Variants in TMEM196 observed in about 807,000 individuals in gnomAD.
TMEM196 encodes transmembrane protein 196.
Under a neutral mutation model 20.0 loss-of-function variants are expected in TMEM196, and 17 were observed. The observed-to-expected ratio is 0.85, with a 90% CI of 0.58 to 1.27. The LOEUF is 1.27. Ranked by LOEUF, TMEM196 falls within the 50% of genes most tolerant of loss-of-function variation. TMEM196 has a pLI of 0.00. For missense variants in TMEM196, 267 were observed against 223.0 expected (o/e 1.20, Z -1.26); for synonymous variants, 113 against 88.9 (o/e 1.27, Z -1.52).
intron 1 of TMEM196, among the ~76,000 whole-genome samples, chr7:19,750,320 C>T (rs1037040631): frequency 1.3e-5 from 2 of 152,118 alleles, no homozygotes; most frequent in African/African-American, 4.8e-5. Flanking sequence ...TATATCAAAA[C>T]ATCACATTGT....
chr7:19,765,715 C>A (rs1785601406), intron 1 of TMEM196, among the ~76,000 whole-genome samples: 1 of 152,022 alleles, frequency 6.6e-6, no homozygotes, highest in Admixed American at 6.6e-5. Context: ...AAAAGAAAAA[C>A]AAAAGAAGAG....
At chr7:19,723,264 ACC>A (rs997140414) in intron 4 of TMEM196, among the ~76,000 whole-genome samples, 1 of 151,494 alleles carries the variant, frequency 6.6e-6, no homozygotes, top group Admixed American at 6.6e-5. Context: ...AGGTAGAATC[ACC>A]CCCCACCCCC....
chr7:19,759,205 C>A (rs1429022231), intron 1 of TMEM196, among the ~76,000 whole-genome samples: 1 of 152,128 alleles, frequency 6.6e-6, no homozygotes, highest in East Asian at 1.9e-4. Flanking sequence ...ATTGGCCTGG[C>A]CTATGTTCCC....
Position 19,721,531 on chromosome 7 carries a change from T to G in TMEM196, c.*597A>C, listed in dbSNP as rs183327631. ...TCTCTCTCTCTAAAAAGTCTCTTTT[T>G]TATGCTTGAGGTTTTTTGTCATTTA... On this transcript the variant is annotated 3_prime_UTR_variant, in exon 5 of 5. Coordinates refer to ENST00000405844, the MANE Select transcript of TMEM196 (RefSeq NM_001363562.2). 6.6e-6 allele frequency: 1 copy of G among 152,182 alleles called. No individual in the cohort carries two copies. The highest frequency in any genetic ancestry group is 1.5e-5 in the Non-Finnish European group (1 of 67,922). The allele number at this position is 152,182 out of a possible 1,614,324, so 9.4% of individuals were successfully genotyped here.
intron 1 of TMEM196, among the ~76,000 whole-genome samples, chr7:19,756,809 G>A (rs937295105): frequency 2.0e-5 from 3 of 151,996 alleles, no homozygotes; most frequent in Non-Finnish European, 2.9e-5. Flanking sequence ...TAGTATCCCA[G>A]GTATATATGA....
chr7:19,763,465 A>C (rs191847248), intron 1 of TMEM196, among the ~76,000 whole-genome samples: 2 of 152,328 alleles, frequency 1.3e-5, no homozygotes, highest in Non-Finnish European at 1.5e-5. Flanking sequence ...AACAAAAATT[A>C]TACCTTGGTA....
chr7:19,772,720 A>G lies in TMEM196; in HGVS notation c.-24T>C. On this transcript the variant is annotated 5_prime_UTR_variant, in exon 1 of 5. Coordinates refer to ENST00000405844, the MANE Select transcript of TMEM196 (RefSeq NM_001363562.2). ...ATCCTTCCTCGGTCATCTTCCTTCC[A>G]GATCAGAGAGGGAAATCAACCATCT... The G allele has an allele frequency of 6.8e-7, 1 of 1,471,686 alleles. No individual in the cohort carries two copies. The highest frequency in any genetic ancestry group is 9.1e-7 in the Non-Finnish European group (1 of 1,098,666). The allele number at this position is 1,471,686 out of a possible 1,614,324, so 91.2% of individuals were successfully genotyped here. A position where few individuals can be genotyped will look rare whatever the true frequency, so the allele number is the denominator to read the frequency against.
At chr7:19,756,694 G>T (rs561988837) in intron 1 of TMEM196, among the ~76,000 whole-genome samples, 2 of 151,972 alleles carry the variant, frequency 1.3e-5, no homozygotes, top group Admixed American at 1.3e-4. Context: ...GTGAGAACAT[G>T]TGGTATTTGG....
chr7:19,724,313 G>A lies in TMEM196; in HGVS notation c.500C>T (p.Pro167Leu), dbSNP rs748067485. 7.1e-6 allele frequency: 11 copies of A among 1,550,154 alleles called. No individual in the cohort carries two copies. The highest frequency in any genetic ancestry group is 1.7e-4 in the Middle Eastern group (1 of 6,012). ...AIEITDLPSC[P>L]VVPPTPELPT... ...TAACTCTGGTGTCGGGGGCACCACCGGGCAGCTGGGCAAGTCGGTTATTTC... is the reference window on the plus strand; with the variant it reads ...TAACTCTGGTGTCGGGGGCACCACCAGGCAGCTGGGCAAGTCGGTTATTTC... The change falls in exon 4 of 5, where the codon CCG (proline) becomes CTG (leucine). Residue 167 changes from proline to leucine, a missense_variant. By Grantham distance (98) the Pro-to-Leu change is moderately conservative (BLOSUM62 -3). Transcript: ENST00000405844.
At chr7:19,763,359 G>A (rs990586359) in intron 1 of TMEM196, among the ~76,000 whole-genome samples, 1 of 152,068 alleles carries the variant, frequency 6.6e-6, no homozygotes, top group Non-Finnish European at 1.5e-5. Flanking sequence ...AAAATAATTG[G>A]CAGGGTACAA....
chr7:19,756,851 T>C (rs1033427036), intron 1 of TMEM196, among the ~76,000 whole-genome samples: 1 of 152,128 alleles, frequency 6.6e-6, no homozygotes, highest in Non-Finnish European at 1.5e-5. Context: ...CTATCACTGA[T>C]GGGCAATTAG....
chr7:19,751,577 C>G (rs188566261), intron 1 of TMEM196, among the ~76,000 whole-genome samples: 125 of 152,238 alleles, frequency 8.2e-4, no homozygotes, highest in African/African-American at 2.9e-3. Context: ...TGATACTTAT[C>G]TAAAAGTGCT....
chr7:19,732,471 G>T (rs929901777), intron 1 of TMEM196, among the ~76,000 whole-genome samples: 16 of 151,944 alleles, frequency 1.1e-4, no homozygotes, highest in Admixed American at 1.0e-3. Context: ...TACTCTGGAG[G>T]GGGAGGCAGC....
chr7:19,769,701 G>GA (rs60611571), intron 1 of TMEM196, among the ~76,000 whole-genome samples: 51 of 150,744 alleles, frequency 3.4e-4, no homozygotes, highest in African/African-American at 5.8e-4. Context: ...AAATATTTGG[G>GA]AAAAAAAACA....
rs922852827 is a variant in TMEM196, at chr7:19,725,382, T to G, written c.459+132A>C. The G allele has an allele frequency of 1.0e-5, 12 of 1,201,272 alleles. No individual in the cohort carries two copies. In the South Asian group the frequency reaches 2.4e-4, roughly 24 times the overall value. The allele number at this position is 1,201,272 out of a possible 1,614,324, so 74.4% of individuals were successfully genotyped here. ...GAAAAATAAAATAAAATTTCTATTCTTAACCCAATAGAGCCAAATGTATAA... is the reference window on the plus strand; with the variant it reads ...GAAAAATAAAATAAAATTTCTATTCGTAACCCAATAGAGCCAAATGTATAA... On this transcript the variant is annotated intron_variant, in intron 3 of 4. Coordinates refer to ENST00000405844, the MANE Select transcript of TMEM196 (RefSeq NM_001363562.2).
At chr7:19,765,085 A>G (rs778342097) in intron 1 of TMEM196, among the ~76,000 whole-genome samples, 1 of 151,968 alleles carries the variant, frequency 6.6e-6, no homozygotes, top group Non-Finnish European at 1.5e-5. Flanking sequence ...TAAACTTTAT[A>G]AAATACCACA....
rs1785956577 is a variant in TMEM196 at position 19,773,035 on chromosome 7, A to C, written c.-339T>G. The C allele has an allele frequency of 1.0e-5, 2 of 196,900 alleles. No individual in the cohort carries two copies. The allele number at this position is 196,900 out of a possible 1,614,324, so 12.2% of individuals were successfully genotyped here. The stretch of plus-strand genomic sequence containing the variant: ...CAGGGAGCTCCGAGCCTTGCTCCCC[A>C]GGCGCTGTCCAGAGTTCTGCCGCGT... On this transcript the variant is annotated 5_prime_UTR_variant, in exon 1 of 5. Transcript: ENST00000405844.
chr7:19,724,765 G>A (rs1783932824), intron 3 of TMEM196, among the ~76,000 whole-genome samples: 1 of 151,966 alleles, frequency 6.6e-6, no homozygotes, highest in African/African-American at 2.4e-5. Context: ...AAAATATAAT[G>A]TGGCCATTAC....
At chr7:19,772,375 C>T (rs1303582278) in intron 1 of TMEM196, among the ~76,000 whole-genome samples, 175 bp downstream of exon 1, 2 of 128,984 alleles carry the variant, frequency 1.6e-5, no homozygotes, top group South Asian at 5.1e-4. Flanking sequence ...AAACAGAAAA[C>T]GAATAAAGGA....
Sources: allele counts gnomAD v4.1 joint callset (sites outside exome capture counted in the v4.1 genomes callset), GRCh38; gene constraint gnomAD v4.1.1; transcripts MANE v1.5; gene names NCBI Gene and HGNC (gene_info 2026-07-23, HGNC 2026-07-21).